The following ALPK3 variants were observed in gnomAD, a reference collection of about 807,000 sequenced individuals.
The protein encoded by ALPK3 is alpha-protein kinase 3.
In ALPK3, 102 loss-of-function variants were observed where a neutral mutation model predicts 140.0. That is an observed-to-expected ratio of 0.73 (90% CI 0.62 to 0.86). ALPK3 has a LOEUF of 0.86. ALPK3 is among the 40% of genes least tolerant of loss of function. ALPK3 has a pLI of 0.00. For synonymous variants in ALPK3, 938 were observed against 898.5 expected, an observed-to-expected ratio of 1.04 and a Z score of -0.79; for missense variants, 2,254 against 2,208.2, an observed-to-expected ratio of 1.02 and a Z score of -0.42.
At chr15:84,821,634 G>A (rs1963424542) in intron 1 of ALPK3, among the ~76,000 whole-genome samples, 1 of 151,906 alleles carries the variant, frequency 6.6e-6, no homozygotes, top group African/African-American at 2.4e-5. Context: ...TCCCTCTCGG[G>A]GGCAGCACCC....
At chr15:84,849,661 C>T (rs1382771680) in intron 5 of ALPK3, among the ~76,000 whole-genome samples, 1 of 151,870 alleles carries the variant, frequency 6.6e-6, no homozygotes, top group African/African-American at 2.4e-5. Flanking sequence ...CTTTTATGGG[C>T]CAAGGAAGAA....
At position 84,857,842 on chromosome 15, in the gene ALPK3, G is replaced by A. The variant is rs758388457; in HGVS notation, c.3104G>A (p.Cys1035Tyr). 2.4e-5 allele frequency: 38 copies of A among 1,611,720 alleles called. No individual in the cohort carries two copies. The highest frequency in any genetic ancestry group is 3.3e-5 in the Admixed American group (2 of 59,916). Residue 1035 changes from cysteine to tyrosine, a missense_variant, in exon 6 of 14, where the codon TGT becomes TAT. By Grantham distance (194) the Cys-to-Tyr change is radical. Around this residue, in one of 3 missense-constraint regions of ALPK3, gnomAD observed 2,088 missense variants for 2,022.9 expected, o/e 1.03. Transcript: ENST00000258888. ...GCACAGACCCTGCTGCTGAGCCCCT[G>A]TACCTCCCGCCGCCTCACCGGCCTC... Reference protein sequence around the residue: ...QSAQTLLLSPCTSRRLTGLLD... With the variant: ...QSAQTLLLSPYTSRRLTGLLD...
intron 12 of ALPK3, 129 bp from the exon 13 acceptor site, chr15:84,867,188 T>G: frequency 1.9e-5 from 12 of 619,052 alleles, no homozygotes; most frequent in Middle Eastern, 4.9e-4. Context: ...CCTGGGCTGG[T>G]TCTAAGCCCC....
intron 4 of ALPK3, among the ~76,000 whole-genome samples, chr15:84,839,453 G>A (rs1433562854): frequency 6.6e-6 from 1 of 152,220 alleles, no homozygotes; most frequent in African/African-American, 2.4e-5. Context: ...GAGCTCTCCT[G>A]GGCCCCAAGT....
rs1368086502 is a variant in ALPK3 at position 84,864,552 on chromosome 15, G to T, written c.4610G>T (p.Cys1537Phe). ...TCTTACTGTTCTCGGGAATGGGGCT[G>T]TGCTGAGGCTCCGACAGCATCTGGC... ...LESYCSREWG[C>F]AEAPTASGSS... The change falls in exon 12 of 14, where the codon TGT becomes TTT. Residue 1537 changes from cysteine to phenylalanine, a missense_variant. Coordinates refer to ENST00000258888, the MANE Select transcript of ALPK3 (RefSeq NM_020778.5). 1 of 1,614,248 alleles carries T rather than the reference G, an allele frequency of 6.2e-7. No individual in the cohort carries two copies. Among genetic ancestry groups the T allele is most frequent in the Non-Finnish European group, 8.5e-7 (1 of 1,180,042 alleles).
At chr15:84,859,730 C>T (rs1963919079) in intron 7 of ALPK3, 46 bp from the exon 8 acceptor site, 1 of 1,575,150 alleles carries the variant, frequency 6.3e-7, no homozygotes, top group African/African-American at 1.3e-5. Context: ...GGACCACAGT[C>T]TGCCCCCATG....
chr15:84,859,344 T>G lies in ALPK3; in HGVS notation c.3919T>G (p.Leu1307Val), dbSNP rs1403427889. 2 of 1,614,052 alleles carry G rather than the reference T, an allele frequency of 1.2e-6. No individual in the cohort carries two copies. Among genetic ancestry groups the G allele is most frequent in the African/African-American group, 2.7e-5 (2 of 74,918 alleles). ...QFFNILSDSV[L>V]TWAKDQRPVG... The stretch of plus-strand genomic sequence containing the variant: ...TTTCAACATTCTTAGTGACTCAGTC[T>G]TGACATGGGCCAAGGATCAGCGCCC... The change falls in exon 7 of 14, where the codon TTG becomes GTG. Residue 1307 changes from leucine (L) to valine (V), a missense_variant. By Grantham distance (32) the Leu-to-Val change is conservative. Coordinates refer to ENST00000258888, the MANE Select transcript of ALPK3 (RefSeq NM_020778.5).
rs773988814 is a variant in ALPK3, at chr15:84,858,194, G to A, written c.3456G>A (p.Pro1152=). The A allele has an allele frequency of 1.2e-5, 20 of 1,612,510 alleles. No homozygotes were observed. Among genetic ancestry groups the A allele is most frequent in the Middle Eastern group, 1.7e-4 (1 of 6,058 alleles). ...CAGGGGAGGCTCTGACAGGTCTCCC[G>A]GCAGCTACACCTGAGGAACTGGCTC... ...KFPGEALTGL[P]AATPEELALG... is the part of the protein sequence containing the mutation. The change falls in exon 6 of 14, where the codon CCG becomes CCA. Residue 1152 remains proline, a synonymous_variant. Coordinates refer to ENST00000258888, the MANE Select transcript of ALPK3 (RefSeq NM_020778.5).
Position 84,817,594 on chromosome 15 carries a change from A to C in ALPK3, c.142A>C (p.Ser48Arg), listed in dbSNP as rs762723720. The change falls in exon 1 of 14, where the codon AGC becomes CGC. Residue 48 changes from serine to arginine, a missense_variant and splice_region_variant. Ser to Arg is a moderately radical substitution (Grantham distance 110). Coordinates refer to ENST00000258888, the MANE Select transcript of ALPK3 (RefSeq NM_020778.5). ...CCTGCTCAGCGTGCGGCCCGAGACCAGGTAAGTGGCACCAAGGGGCAGGGC... is the reference window on the plus strand; with the variant it reads ...CCTGCTCAGCGTGCGGCCCGAGACCCGGTAAGTGGCACCAAGGGGCAGGGC... ...SYLLSVRPET[S>R]LSSNRLSHPS... 8.7e-6 allele frequency: 13 copies of C among 1,496,370 alleles called. No homozygotes were observed. Among genetic ancestry groups the C allele is most frequent in the Non-Finnish European group, 1.2e-5 (13 of 1,128,278 alleles). 92.7% of individuals were successfully genotyped at this position (1,496,370 alleles called of 1,614,324 possible). A position where few individuals can be genotyped will look rare whatever the true frequency, so the allele number is the denominator to read the frequency against.
chr15:84,820,990 C>CCCT, intron 1 of ALPK3, among the ~76,000 whole-genome samples: 1 of 150,734 alleles, frequency 6.6e-6, no homozygotes, highest in African/African-American at 2.4e-5. Flanking sequence ...ACCTCCAACC[C>CCCT]TTTTTTTTTC....
intron 5 of ALPK3, among the ~76,000 whole-genome samples, chr15:84,842,225 G>T (rs932261841): frequency 6.6e-6 from 1 of 152,220 alleles, no homozygotes; most frequent in African/African-American, 2.4e-5. Context: ...GTAGAGACAG[G>T]GTTTTGCTGT....
In ALPK3 at chr15:84,858,420, C is replaced by G. The variant is rs537104966; in HGVS notation, c.3682C>G (p.Arg1228Gly). 34 of 1,559,892 alleles carry G rather than the reference C, an allele frequency of 2.2e-5. No individual in the cohort carries two copies. The highest frequency in any genetic ancestry group is 1.7e-4 in the Middle Eastern group (1 of 5,938). The change falls in exon 6 of 14, where the codon CGG becomes GGG. Residue 1228 changes from arginine (R) to glycine (G), a missense_variant. This residue lies in a region of ALPK3 where 2,088 missense variants were observed against 2,022.9 expected (regional missense o/e 1.03). Transcript: ENST00000258888. Reference protein sequence around the residue: ...GRKASMLEVPRAEEELAAGDL... With the variant: ...GRKASMLEVPGAEEELAAGDL... ...AAAGGCGAGCATGCTGGAGGTGCCTCGGGCAGAGGAGGAGCTGGCGGCAGG... is the reference window on the plus strand; with the variant it reads ...AAAGGCGAGCATGCTGGAGGTGCCTGGGGCAGAGGAGGAGCTGGCGGCAGG...
At chr15:84,829,892 T>C (rs1963527405) in intron 3 of ALPK3, among the ~76,000 whole-genome samples, 1 of 152,198 alleles carries the variant, frequency 6.6e-6, no homozygotes, top group South Asian at 2.1e-4. Context: ...GTCCGGATGG[T>C]TGCTGTGTCC....
At chr15:84,850,915 C>CA (rs1567092270) in intron 5 of ALPK3, among the ~76,000 whole-genome samples, 1 of 149,960 alleles carries the variant, frequency 6.7e-6, no homozygotes, top group Non-Finnish European at 1.5e-5. Flanking sequence ...CACACACACA[C>CA]CCTCTGTCAT....
chr15:84,848,057 A>G (rs542811488), intron 5 of ALPK3, among the ~76,000 whole-genome samples: 236 of 133,864 alleles, frequency 1.8e-3, no homozygotes, highest in Non-Finnish European at 3.2e-3. Context: ...GCCAGACTTG[A>G]TCTCAAAAAA....
intron 3 of ALPK3, among the ~76,000 whole-genome samples, chr15:84,827,849 CT>C (rs1310587803): frequency 6.6e-6 from 1 of 152,232 alleles, no homozygotes; most frequent in African/African-American, 2.4e-5. Context: ...GTGAAGGTTC[CT>C]GACCCTCAGG....
At chr15:84,829,272 T>C (rs1211922503) in intron 3 of ALPK3, among the ~76,000 whole-genome samples, 1 of 152,264 alleles carries the variant, frequency 6.6e-6, no homozygotes, top group Admixed American at 6.5e-5. Flanking sequence ...TATACCATCA[T>C]TTTCTCTGTT....
intron 5 of ALPK3, among the ~76,000 whole-genome samples, chr15:84,845,418 T>G (rs1459930271): frequency 6.6e-6 from 1 of 151,920 alleles, no homozygotes; most frequent in Non-Finnish European, 1.5e-5. Flanking sequence ...TTGGTCCAGA[T>G]CACAGGCTCA....
chr15:84,819,150 G>T (rs1963396097), intron 1 of ALPK3, among the ~76,000 whole-genome samples: 2 of 152,234 alleles, frequency 1.3e-5, no homozygotes. Context: ...CTGCCTGGCT[G>T]AGCAGTTGTA....
Sources: gnomAD v4.1 joint callset for allele counts (sites outside exome capture counted in the v4.1 genomes callset) on GRCh38, gnomAD v4.1.1 for gene constraint, gnomAD v4.1.1 regional missense constraint, MANE v1.5 for transcripts, NCBI Gene and HGNC (gene_info 2026-07-23, HGNC 2026-07-21) for gene names.